LRFN2: variants seen among roughly 807,000 people sequenced by gnomAD.
LRFN2 encodes leucine rich repeat and fibronectin type III domain containing 2, also known as leucine-rich repeat and fibronectin type-III domain-containing protein 2.
Under a neutral mutation model 37.3 loss-of-function variants are expected in LRFN2, and 18 were observed. The observed-to-expected ratio is 0.48, with a 90% CI of 0.33 to 0.72. LRFN2 has a LOEUF of 0.72. LRFN2 is among the 30% of genes least tolerant of loss of function. LRFN2 has a pLI of 0.02. For missense variants in LRFN2, 1,006 were observed against 1,060.7 expected (o/e 0.95, Z 0.72); for synonymous variants, 556 against 466.6 (o/e 1.19, Z -2.47).
chr6:40,401,599 C>T (rs187380931), intron 2 of LRFN2, among the ~76,000 whole-genome samples: 1 of 152,308 alleles, frequency 6.6e-6, no homozygotes. Flanking sequence ...CCCTGACTAA[C>T]AGACACCCAC....
At chr6:40,503,132 C>T (rs565067496) in intron 1 of LRFN2, among the ~76,000 whole-genome samples, 15 of 152,158 alleles carry the variant, frequency 9.9e-5, no homozygotes, top group African/African-American at 3.4e-4. Flanking sequence ...TGCAGGGCCA[C>T]GAGGGCCAGG....
At chr6:40,401,866 A>G (rs112476948) in intron 2 of LRFN2, among the ~76,000 whole-genome samples, 87 of 152,110 alleles carry the variant, frequency 5.7e-4, no homozygotes, top group African/African-American at 1.8e-3. Context: ...GTGATGCACC[A>G]TGGCTGCCTG....
chr6:40,421,848 A>C (rs1310174745), intron 2 of LRFN2, among the ~76,000 whole-genome samples: 2 of 152,224 alleles, frequency 1.3e-5, no homozygotes, highest in Non-Finnish European at 2.9e-5. Context: ...TGGAAAAGTC[A>C]GATTTCTGCT....
intron 2 of LRFN2, among the ~76,000 whole-genome samples, chr6:40,411,362 C>T (rs974602150): frequency 2.6e-5 from 4 of 152,150 alleles, no homozygotes; most frequent in African/African-American, 7.2e-5. Flanking sequence ...CCAGTGTGTG[C>T]GTGTAGGTAC....
At chr6:40,414,529 T>G (rs549601875) in intron 2 of LRFN2, among the ~76,000 whole-genome samples, 1 of 152,354 alleles carries the variant, frequency 6.6e-6, no homozygotes, top group East Asian at 1.9e-4. Flanking sequence ...CTTATTATCC[T>G]TATCTTTATT....
intron 1 of LRFN2, among the ~76,000 whole-genome samples, chr6:40,569,158 T>C (rs1484127176): frequency 6.6e-6 from 1 of 152,154 alleles, no homozygotes; most frequent in Non-Finnish European, 1.5e-5. Context: ...GCCAGGGAGC[T>C]GGGAGGCAGG....
intron 1 of LRFN2, among the ~76,000 whole-genome samples, chr6:40,561,730 G>A (rs1015315038): frequency 1.3e-5 from 2 of 152,186 alleles, no homozygotes; most frequent in African/African-American, 4.8e-5. Context: ...AGAAAAACAG[G>A]AGCCCCGCTT....
At chr6:40,548,695 A>G (rs924732125) in intron 1 of LRFN2, among the ~76,000 whole-genome samples, 3 of 152,218 alleles carry the variant, frequency 2.0e-5, no homozygotes, top group African/African-American at 7.2e-5. Context: ...TAGCCTAAAC[A>G]GGTCCTATCA....
At chr6:40,572,999 T>TGA (rs774009500) in intron 1 of LRFN2, among the ~76,000 whole-genome samples, 2 of 152,230 alleles carry the variant, frequency 1.3e-5, no homozygotes, top group Non-Finnish European at 2.9e-5. Flanking sequence ...CAGTGATGAC[T>TGA]GAGACCTCAT....
At chr6:40,406,584 CT>C (rs1762853303) in intron 2 of LRFN2, among the ~76,000 whole-genome samples, 1 of 152,186 alleles carries the variant, frequency 6.6e-6, no homozygotes, top group African/African-American at 2.4e-5. Context: ...GCCCACCTGG[CT>C]GTCAGCACCC....
chr6:40,489,649 G>C (rs1215278864), intron 1 of LRFN2, among the ~76,000 whole-genome samples: 1 of 152,134 alleles, frequency 6.6e-6, no homozygotes, highest in African/African-American at 2.4e-5. Context: ...AGGCCTGGGA[G>C]GAGGGCAGAA....
intron 1 of LRFN2, among the ~76,000 whole-genome samples, chr6:40,514,066 T>C (rs748186401): frequency 6.6e-6 from 1 of 151,762 alleles, no homozygotes; most frequent in African/African-American, 2.4e-5. Flanking sequence ...CTTGGTGGAT[T>C]TGAAGCCAAG....
chr6:40,451,529 C>A (rs1460918135), intron 1 of LRFN2, among the ~76,000 whole-genome samples: 2 of 152,234 alleles, frequency 1.3e-5, no homozygotes, highest in African/African-American at 4.8e-5. Flanking sequence ...CTGCTTACAT[C>A]TGGCCCCATG....
At chr6:40,552,719 G>T (rs753880449) in intron 1 of LRFN2, among the ~76,000 whole-genome samples, 1 of 151,908 alleles carries the variant, frequency 6.6e-6, no homozygotes, top group African/African-American at 2.4e-5. Flanking sequence ...ATCATTAAAA[G>T]ATTTTTAGAA....
At chr6:40,548,212 G>T (rs1306100577) in intron 1 of LRFN2, among the ~76,000 whole-genome samples, 1 of 152,160 alleles carries the variant, frequency 6.6e-6, no homozygotes, top group Non-Finnish European at 1.5e-5. Flanking sequence ...GGCCGAGGTG[G>T]GTGGATCACC....
intron 1 of LRFN2, among the ~76,000 whole-genome samples, chr6:40,446,744 A>G (rs549884905): frequency 2.4e-4 from 37 of 152,382 alleles, no homozygotes; most frequent in African/African-American, 8.2e-4. Flanking sequence ...GGAGACAGAG[A>G]GGTGCAGGCA....
At chr6:40,533,330 G>A (rs992462737) in intron 1 of LRFN2, among the ~76,000 whole-genome samples, 1 of 149,548 alleles carries the variant, frequency 6.7e-6, no homozygotes, top group Non-Finnish European at 1.5e-5. Context: ...GCTCTAAAAA[G>A]TATATGAGTG....
At chr6:40,417,334 C>A (rs1162750267) in intron 2 of LRFN2, among the ~76,000 whole-genome samples, 1 of 152,150 alleles carries the variant, frequency 6.6e-6, no homozygotes, top group East Asian at 1.9e-4. Context: ...AGCCTCCCGA[C>A]CTGTCCACGC....
chr6:40,531,893 C>T (rs1188117356), intron 1 of LRFN2, among the ~76,000 whole-genome samples: 6 of 152,182 alleles, frequency 3.9e-5, no homozygotes, highest in African/African-American at 1.4e-4. Context: ...ACTTTCTGTC[C>T]AAGAACCCCA....
Sources: allele counts gnomAD v4.1 joint callset (sites outside exome capture counted in the v4.1 genomes callset), GRCh38; gene constraint gnomAD v4.1.1; transcripts MANE v1.5; gene names NCBI Gene and HGNC (gene_info 2026-07-23, HGNC 2026-07-21).